Variants in VPS13B observed in about 807,000 individuals in gnomAD.
VPS13B encodes the protein vacuolar protein sorting 13 homolog B.
A neutral mutation model predicts 426.4 loss-of-function variants in VPS13B; 285 were observed. The ratio of observed to expected loss-of-function variants is 0.67; its 90% CI spans 0.61 to 0.74. VPS13B has a LOEUF of 0.74. VPS13B is among the 30% of genes least tolerant of loss of function. The pLI, the probability that VPS13B is intolerant of heterozygous loss-of-function variation, is 0.00. For synonymous variants in VPS13B, 1,676 were observed against 1,676.4 expected (o/e 1.00, Z 0.01); for missense variants, 4,537 against 4,782.6 (o/e 0.95, Z 1.51).
rs1303722308 is a variant in VPS13B, at chr8:99,404,476, T to G, written c.3082+12772T>G. On this transcript the variant is annotated intron_variant, in intron 21 of 61. Coordinates refer to ENST00000357162, the MANE Select transcript of VPS13B (RefSeq NM_152564.5). ...ACGCTGACTTGCAGAATCCAAAAGC[T>G]GTTATTTCCCAAGGGGCTTTCAAGA... Among the ~76,000 whole-genome samples, 3 of 152,302 alleles carry G rather than the reference T, an allele frequency of 2.0e-5. No individual in the cohort carries two copies. In the East Asian group the frequency reaches 5.8e-4, roughly 29 times the overall value.
chr8:99,755,450 C>T (rs1054766158), intron 39 of VPS13B, among the ~76,000 whole-genome samples: 1 of 152,100 alleles, frequency 6.6e-6, no homozygotes, highest in African/African-American at 2.4e-5. Flanking sequence ...TACTAAACAA[C>T]AACTACAATG....
intron 39 of VPS13B, among the ~76,000 whole-genome samples, chr8:99,726,093 A>G (rs1833338691): frequency 6.6e-6 from 1 of 152,184 alleles, no homozygotes; most frequent in African/African-American, 2.4e-5. Context: ...AACTCCCCAT[A>G]TCACTTTATG....
At chr8:99,528,836 G>C (rs1325304849) in intron 30 of VPS13B, among the ~76,000 whole-genome samples, 2 of 151,916 alleles carry the variant, frequency 1.3e-5, no homozygotes, top group Non-Finnish European at 2.9e-5. Flanking sequence ...AGAAATATCA[G>C]CATTAATTAT....
chr8:99,337,703 G>A (rs1811000641), intron 19 of VPS13B, among the ~76,000 whole-genome samples: 1 of 151,912 alleles, frequency 6.6e-6, no homozygotes, highest in Admixed American at 6.6e-5. Flanking sequence ...GTTTTACAAA[G>A]AATAAAATTT....
chr8:99,271,246 TACG>T (rs1818589598), intron 17 of VPS13B, among the ~76,000 whole-genome samples: 2 of 139,564 alleles, frequency 1.4e-5, no homozygotes, highest in East Asian at 2.1e-4. Flanking sequence ...CTACTACTAC[TACG>T]ATGATGATTG....
intron 19 of VPS13B, among the ~76,000 whole-genome samples, chr8:99,320,346 G>A (rs769243599): frequency 6.6e-6 from 1 of 152,052 alleles, no homozygotes; most frequent in Admixed American, 6.5e-5. Flanking sequence ...CCCTTCTCCT[G>A]GGAATCCTAA....
intron 39 of VPS13B, among the ~76,000 whole-genome samples, chr8:99,761,723 G>A (rs1289896200): frequency 2.0e-5 from 3 of 152,036 alleles, no homozygotes; most frequent in Non-Finnish European, 4.4e-5. Context: ...AAAACAATAG[G>A]TATATTAATA....
chr8:99,784,296 C>A lies in VPS13B; in HGVS notation c.7780-19C>A. 1 of 1,613,516 alleles carries A rather than the reference C, an allele frequency of 6.2e-7. No individual in the cohort carries two copies. Among genetic ancestry groups the A allele is most frequent in the Non-Finnish European group, 8.5e-7 (1 of 1,179,582 alleles). On this transcript the variant is annotated intron_variant, in intron 42 of 61. Coordinates refer to ENST00000357162, the MANE Select transcript of VPS13B (RefSeq NM_152564.5). Reference sequence around the variant, plus strand: ...AATTAATCCGATCCATGTTGGCTTTCGTATCCTTTTTCTTTCAGAACAAAT... The same window carrying A: ...AATTAATCCGATCCATGTTGGCTTTAGTATCCTTTTTCTTTCAGAACAAAT...
At chr8:99,024,052 C>T (rs1455005556) in intron 2 of VPS13B, among the ~76,000 whole-genome samples, 1 of 152,050 alleles carries the variant, frequency 6.6e-6, no homozygotes, top group East Asian at 1.9e-4. Flanking sequence ...TTCTTTATAT[C>T]CTCAGCAGTA....
intron 17 of VPS13B, among the ~76,000 whole-genome samples, chr8:99,236,447 G>T (rs7018291): frequency 0.037 from 5,650 of 152,048 alleles, 151 homozygotes; most frequent in East Asian, 0.09. Flanking sequence ...ACAGGGTTTG[G>T]CCATATTGGC....
chr8:99,810,582 C>T (rs1310281979), intron 44 of VPS13B, among the ~76,000 whole-genome samples: 1 of 152,174 alleles, frequency 6.6e-6, no homozygotes, highest in African/African-American at 2.4e-5. Flanking sequence ...TCAACTCTAG[C>T]AGAGGAGTCT....
intron 43 of VPS13B, among the ~76,000 whole-genome samples, chr8:99,805,826 C>T (rs974306092): frequency 6.6e-6 from 1 of 151,960 alleles, no homozygotes; most frequent in Non-Finnish European, 1.5e-5. Flanking sequence ...TTCCCCCCAC[C>T]GTGGAAAATA....
At chr8:99,233,875 C>G (rs1241499038) in intron 17 of VPS13B, 12 of 779,970 alleles carry the variant, frequency 1.5e-5, no homozygotes, top group Non-Finnish European at 2.1e-5. Flanking sequence ...TTTCAAGAAT[C>G]GTGTGGCATG....
intron 30 of VPS13B, among the ~76,000 whole-genome samples, chr8:99,551,077 A>G (rs907093487): frequency 6.6e-6 from 1 of 151,820 alleles, no homozygotes. Flanking sequence ...ATTTTTCTGT[A>G]TTTTTCTTCT....
chr8:99,193,133 A>T, intron 17 of VPS13B, 76 bp downstream of exon 17: 1 of 1,430,584 alleles, frequency 7.0e-7, no homozygotes, highest in Non-Finnish European at 9.7e-7. Flanking sequence ...ATGAAAATCC[A>T]TATGTCTAGC....
chr8:99,821,334 C>G lies in VPS13B; in HGVS notation c.9035C>G (p.Thr3012Ser), dbSNP rs576577339. 7.3e-5 allele frequency: 117 copies of G among 1,613,794 alleles called. 1 individual carries two copies. In the South Asian group the frequency reaches 1.2e-3, roughly 17 times the overall value. The stretch of plus-strand genomic sequence containing the variant: ...GGAATATACTGGGCAAATACAAACA[C>G]TGTGCACAAGTCAGTAGCAATTAAA... ...QIGIYWANTNTVHKSVAIKLV... is the reference protein window; with the variant it reads ...QIGIYWANTNSVHKSVAIKLV... The change falls in exon 50 of 62, where the codon ACT becomes AGT. Residue 3012 changes from threonine (T) to serine (S), a missense_variant. Physicochemically the swap from Thr to Ser is moderately conservative, Grantham distance 58. This residue lies in a region of VPS13B where 4,311 missense variants were observed against 4,474.3 expected (regional missense o/e 0.96). Coordinates refer to ENST00000357162, the MANE Select transcript of VPS13B (RefSeq NM_152564.5).
intron 33 of VPS13B, among the ~76,000 whole-genome samples, chr8:99,634,350 G>T (rs1163375269): frequency 6.6e-6 from 1 of 151,982 alleles, no homozygotes; most frequent in African/African-American, 2.4e-5. Flanking sequence ...AACACAGACT[G>T]CAGTAAAACA....
In VPS13B at chr8:99,505,189, T is replaced by C. The variant is rs369623476; in HGVS notation, c.4158-1948T>C. 1.3e-3 allele frequency among the ~76,000 whole-genome samples: 199 copies of C among 152,334 alleles called. 1 individual carries two copies. The South Asian group carries it at 0.014, about 11-fold the overall frequency. ...GATCCTCTACCCAGACCACTCAGACTTTCTGCCTATCAGCAATAAGGCTGT... is the reference window on the plus strand; with the variant it reads ...GATCCTCTACCCAGACCACTCAGACCTTCTGCCTATCAGCAATAAGGCTGT... On this transcript the variant is annotated intron_variant, in intron 27 of 61. Coordinates refer to ENST00000357162, the MANE Select transcript of VPS13B (RefSeq NM_152564.5).
At chr8:99,072,477 C>G (rs999418396) in intron 3 of VPS13B, among the ~76,000 whole-genome samples, 3 of 152,106 alleles carry the variant, frequency 2.0e-5, no homozygotes, top group Non-Finnish European at 4.4e-5. Flanking sequence ...CTTTAGTTTT[C>G]CCTCTCCTCT....
Sources: gnomAD v4.1 joint callset for allele counts (sites outside exome capture counted in the v4.1 genomes callset) on GRCh38, gnomAD v4.1.1 for gene constraint, gnomAD v4.1.1 regional missense constraint, MANE v1.5 for transcripts, NCBI Gene and HGNC (gene_info 2026-07-23, HGNC 2026-07-21) for gene names.